Variants in APOBEC1 observed in about 807,000 individuals in gnomAD.
APOBEC1 encodes the protein apolipoprotein B mRNA editing enzyme catalytic subunit 1, also known as C->U-editing enzyme APOBEC-1.
Under a neutral mutation model 26.3 loss-of-function variants are expected in APOBEC1, and 22 were observed. That is an observed-to-expected ratio of 0.84 (90% CI 0.60 to 1.19). APOBEC1 has a LOEUF of 1.19. APOBEC1 is among the 50% of genes most tolerant of loss of function. The probability of loss-of-function intolerance (pLI) is 0.00; values close to 1 mark genes in which losing one functional copy is unlikely to be tolerated. For missense variants in APOBEC1, 253 were observed against 289.0 expected (o/e 0.88, Z 0.90); for synonymous variants, 77 against 95.3 (o/e 0.81, Z 1.12).
intron 1 of APOBEC1, among the ~76,000 whole-genome samples, chr12:7,655,532 A>G (rs1460176330): frequency 6.6e-6 from 1 of 151,972 alleles, no homozygotes; most frequent in African/African-American, 2.4e-5. Flanking sequence ...AAAGAAAGAA[A>G]GAAATGGAAA....
upstream of APOBEC1, among the ~76,000 whole-genome samples, chr12:7,669,071 C>T (rs941536587): frequency 6.6e-6 from 1 of 152,186 alleles, no homozygotes; most frequent in Non-Finnish European, 1.5e-5. Flanking sequence ...TATCCTCCTA[C>T]TCCTAGTCCC....
Position 7,652,506 on chromosome 12 carries a change from T to G in APOBEC1, c.374A>C (p.Gln125Pro), listed in dbSNP as rs1231595498. Residue 125 changes from glutamine (Q) to proline (P), a missense_variant, in exon 3 of 5, where the codon CAA becomes CCA. Gln to Pro is a moderately conservative substitution (Grantham distance 76). Coordinates refer to ENST00000229304, the MANE Select transcript of APOBEC1 (RefSeq NM_001644.5). Reference sequence around the variant, plus strand: ...GTCCCTGAGACCTTGCCGATTTTGTTGATCCATGTGCCAAAAAAGCCGAGC... The same window carrying G: ...GTCCCTGAGACCTTGCCGATTTTGTGGATCCATGTGCCAAAAAAGCCGAGC... ...YVARLFWHMD[Q>P]QNRQGLRDLV... 3 of 1,614,046 alleles carry G rather than the reference T, an allele frequency of 1.9e-6. No individual in the cohort carries two copies. The highest frequency in any genetic ancestry group is 2.5e-6 in the Non-Finnish European group (3 of 1,180,038).
chr12:7,666,913 C>CTT (rs111464102), upstream of APOBEC1, among the ~76,000 whole-genome samples: 2 of 142,470 alleles, frequency 1.4e-5, no homozygotes, highest in Non-Finnish European at 3.1e-5. Flanking sequence ...CACTTCTGCC[C>CTT]TTTTTTTTTT....
chr12:7,650,038 A>T (rs2136835100), intron 4 of APOBEC1, among the ~76,000 whole-genome samples: 2 of 152,076 alleles, frequency 1.3e-5, no homozygotes, highest in East Asian at 3.9e-4. Context: ...GCTGGTCTCC[A>T]ACTTCTGGGC....
intron 3 of APOBEC1, among the ~76,000 whole-genome samples, chr12:7,651,611 CA>C (rs370874683): frequency 0.081 from 9,040 of 110,958 alleles, 524 homozygotes; most frequent in African/African-American, 0.18. Flanking sequence ...GACTCCGTCT[CA>C]AAAAAAAAAA....
At chr12:7,664,198 AAATT>A (rs1347814188) in intron 1 of APOBEC1, among the ~76,000 whole-genome samples, 1 of 152,130 alleles carries the variant, frequency 6.6e-6, no homozygotes, top group Non-Finnish European at 1.5e-5. Context: ...AGGAGAAAAT[AAATT>A]GTTACTTCAA....
intron 1 of APOBEC1, 71 bp from the exon 2 acceptor site, chr12:7,654,703 A>G: frequency 1.4e-6 from 2 of 1,422,258 alleles, no homozygotes; most frequent in East Asian, 2.3e-5. Context: ...AAAGTGCTCT[A>G]TTATTCCAAA....
At chr12:7,649,769 T>A in intron 4 of APOBEC1, 73 bp from the exon 5 acceptor site, 1 of 1,167,400 alleles carries the variant, frequency 8.6e-7, no homozygotes, top group Non-Finnish European at 1.2e-6. Context: ...CCACAAACAT[T>A]TAAAAATGTC....
At chr12:7,664,575 A>G (rs746545569) in intron 1 of APOBEC1, among the ~76,000 whole-genome samples, 10 of 152,318 alleles carry the variant, frequency 6.6e-5, no homozygotes, top group Non-Finnish European at 1.0e-4. Flanking sequence ...CTGTTCATCA[A>G]TAGGATTCAA....
At chr12:7,652,325 G>T in intron 3 of APOBEC1, 113 bp downstream of exon 3, 2 of 949,034 alleles carry the variant, frequency 2.1e-6, no homozygotes, top group Non-Finnish European at 3.0e-6. Flanking sequence ...CATTATTTTG[G>T]ACTTTTACTT....
intron 1 of APOBEC1, among the ~76,000 whole-genome samples, chr12:7,661,037 C>CAAAAAA (rs764452957): frequency 1.1e-5 from 1 of 91,054 alleles, no homozygotes; most frequent in Non-Finnish European, 2.3e-5. Context: ...ACTAAAAATA[C>CAAAAAA]AAAAAAAAAA....
rs772607771 is a variant in APOBEC1, at chr12:7,660,026, C to T, written c.17-5394G>A. On this transcript the variant is annotated intron_variant, in intron 1 of 4. Transcript: ENST00000229304. ...TCAATTTAAAGAAAGGGTATTTGGG[C>T]CGGGTGCGGTGGCTCACGCCTGTAA... Among the ~76,000 whole-genome samples the T allele has an allele frequency of 2.6e-5, 4 of 152,102 alleles. No individual in the cohort carries two copies. The South Asian group carries it at 8.3e-4, about 32-fold the overall frequency.
At chr12:7,655,145 G>A (rs758786614) in intron 1 of APOBEC1, among the ~76,000 whole-genome samples, 30 of 152,160 alleles carry the variant, frequency 2.0e-4, no homozygotes, top group Non-Finnish European at 3.8e-4. Context: ...GGGAGAGGAG[G>A]TTGCAGTGAG....
intron 1 of APOBEC1, among the ~76,000 whole-genome samples, chr12:7,663,401 A>G (rs1427651604): frequency 6.6e-6 from 1 of 152,174 alleles, no homozygotes; most frequent in African/African-American, 2.4e-5. Flanking sequence ...ACACTATTCC[A>G]AGTGTGACCT....
chr12:7,653,042 G>T (rs189158951), intron 2 of APOBEC1, among the ~76,000 whole-genome samples: 1 of 152,054 alleles, frequency 6.6e-6, no homozygotes, highest in Non-Finnish European at 1.5e-5. Flanking sequence ...CGATTTTTCT[G>T]CCTCAACTTC....
chr12:7,667,698 T>G (rs373454481), upstream of APOBEC1, among the ~76,000 whole-genome samples: 2 of 152,094 alleles, frequency 1.3e-5, no homozygotes, highest in East Asian at 3.9e-4. Flanking sequence ...GAGGATCACC[T>G]GAGGTCAGGA....
intron 2 of APOBEC1, among the ~76,000 whole-genome samples, chr12:7,653,489 CTT>C (rs57508175): frequency 0.26 from 30,031 of 115,674 alleles, 3,853 homozygotes; most frequent in South Asian, 0.38. Context: ...TATTCTAACC[CTT>C]TTTTTTTTTT....
chr12:7,656,560 G>A (rs1292060722), intron 1 of APOBEC1, among the ~76,000 whole-genome samples: 1 of 152,202 alleles, frequency 6.6e-6, no homozygotes, highest in Non-Finnish European at 1.5e-5. Context: ...AAGCAACACA[G>A]TGTTGCAATC....
At chr12:7,663,690 G>C (rs1477254160) in intron 1 of APOBEC1, among the ~76,000 whole-genome samples, 1 of 152,122 alleles carries the variant, frequency 6.6e-6, no homozygotes, top group Non-Finnish European at 1.5e-5. Context: ...TGTCTACACT[G>C]ATCAATATTA....
Sources: gnomAD v4.1 joint callset for allele counts (sites outside exome capture counted in the v4.1 genomes callset) on GRCh38, gnomAD v4.1.1 for gene constraint, MANE v1.5 for transcripts, NCBI Gene and HGNC (gene_info 2026-07-23, HGNC 2026-07-21) for gene names.